MEIOB: variants seen among roughly 807,000 people sequenced by gnomAD.
MEIOB encodes meiosis-specific with OB domain-containing protein.
A neutral mutation model predicts 53.1 loss-of-function variants in MEIOB; 50 were observed. That is an observed-to-expected ratio of 0.94 (90% CI 0.75 to 1.19). MEIOB has a LOEUF of 1.19. Ranked by LOEUF, MEIOB falls within the 50% of genes most tolerant of loss-of-function variation. MEIOB has a pLI of 0.00. For synonymous variants in MEIOB, 192 were observed against 182.5 expected (o/e 1.05, Z -0.42); for missense variants, 551 against 550.8 (o/e 1.00, Z 0.00).
intron 5 of MEIOB, 135 bp from the exon 6 acceptor site, chr16:1,858,065 T>C (rs935142886): frequency 8.3e-6 from 5 of 604,900 alleles, no homozygotes; most frequent in Middle Eastern, 9.1e-4. Context: ...CTTAGAAACA[T>C]TGAATAATAC....
chr16:1,869,524 T>C (rs2150826785), intron 1 of MEIOB, among the ~76,000 whole-genome samples: 1 of 151,506 alleles, frequency 6.6e-6, no homozygotes. Flanking sequence ...CTCAGCTCAC[T>C]GCAAGCTCCA....
chr16:1,853,402 C>A, intron 7 of MEIOB, 131 bp from the exon 8 acceptor site: 2 of 682,706 alleles, frequency 2.9e-6, no homozygotes, highest in Admixed American at 2.7e-5. Context: ...TCAAAGACCT[C>A]CTAGTCTTAA....
intron 9 of MEIOB, among the ~76,000 whole-genome samples, chr16:1,851,040 G>A (rs773796002): frequency 2.0e-5 from 3 of 152,138 alleles, no homozygotes; most frequent in South Asian, 2.1e-4. Context: ...ATAGACTATC[G>A]TGTGTCACCA....
chr16:1,864,731 G>A (rs888301473), intron 3 of MEIOB, among the ~76,000 whole-genome samples: 7 of 151,904 alleles, frequency 4.6e-5, no homozygotes, highest in South Asian at 2.1e-4. Flanking sequence ...CAGGTGATCC[G>A]CCCACCTCAG....
intron 10 of MEIOB, among the ~76,000 whole-genome samples, chr16:1,843,142 G>C (rs1478114810): frequency 6.6e-6 from 1 of 150,390 alleles, no homozygotes; most frequent in East Asian, 2.0e-4. Context: ...AAAATACAAA[G>C]AATTAGCCGG....
At chr16:1,864,659 T>A (rs8048303) in intron 3 of MEIOB, among the ~76,000 whole-genome samples, 1 of 151,258 alleles carries the variant, frequency 6.6e-6, no homozygotes, top group African/African-American at 2.4e-5. Flanking sequence ...TGACTAATTT[T>A]GTATTTTTAG....
chr16:1,864,632 G>A (rs1241782796), intron 3 of MEIOB, among the ~76,000 whole-genome samples: 1 of 151,760 alleles, frequency 6.6e-6, no homozygotes, highest in African/African-American at 2.4e-5. Flanking sequence ...GGGAATACAA[G>A]CGCCTGCCAC....
At chr16:1,841,523 G>T (rs1351393206) in intron 11 of MEIOB, among the ~76,000 whole-genome samples, 1 of 152,070 alleles carries the variant, frequency 6.6e-6, no homozygotes, top group Non-Finnish European at 1.5e-5. Context: ...TTGCTATAGG[G>T]CCTAGCAACC....
intron 5 of MEIOB, among the ~76,000 whole-genome samples, chr16:1,859,065 C>T (rs545190833): frequency 2.1e-4 from 32 of 152,274 alleles, no homozygotes; most frequent in East Asian, 5.8e-4. Context: ...CAATCTCAGA[C>T]GGTGACTTGG....
intron 8 of MEIOB, 30 bp from the exon 9 acceptor site, chr16:1,853,164 T>C: frequency 6.3e-7 from 1 of 1,581,030 alleles, no homozygotes; most frequent in Non-Finnish European, 8.6e-7. Context: ...TTTAAAATTA[T>C]TACATGGGAG....
chr16:1,839,189 T>A, intron 12 of MEIOB, 66 bp downstream of exon 12: 1 of 1,459,866 alleles, frequency 6.8e-7, no homozygotes, highest in Non-Finnish European at 9.1e-7. Flanking sequence ...AAACAACCTA[T>A]ATTTTTTTGG....
At chr16:1,858,268 TTC>T (rs1433544317) in intron 5 of MEIOB, among the ~76,000 whole-genome samples, 1 of 152,144 alleles carries the variant, frequency 6.6e-6, no homozygotes, top group Non-Finnish European at 1.5e-5. Flanking sequence ...GACTGGTTGT[TTC>T]TCTCTCTTAT....
intron 10 of MEIOB, chr16:1,843,696 T>G (rs1271704029): frequency 7.9e-6 from 1 of 126,214 alleles, no homozygotes; most frequent in South Asian, 2.8e-4. Flanking sequence ...AGACTCCATC[T>G]CAAAAAAAAA....
At chr16:1,861,770 C>T (rs574709800) in intron 4 of MEIOB, among the ~76,000 whole-genome samples, 13 of 152,074 alleles carry the variant, frequency 8.5e-5, no homozygotes, top group Middle Eastern at 3.4e-3. Context: ...CCTGAACTCA[C>T]GCAATCCACC....
At position 1,855,521 on chromosome 16, in the gene MEIOB, A is replaced by C. The variant is rs575542850; in HGVS notation, c.529-1321T>G. On this transcript the variant is annotated intron_variant, in intron 6 of 13. Coordinates refer to ENST00000325962, the MANE Select transcript of MEIOB (RefSeq NM_001163560.3). ...GAGATGAAAGGCATGAGAAGAAGTG[A>C]CGTGACACATGAAAGGTTCCAGACT... Among the ~76,000 whole-genome samples, 15 of 152,246 alleles carry C rather than the reference A, an allele frequency of 9.9e-5. No individual in the cohort carries two copies. In the South Asian group the frequency reaches 1.7e-3, roughly 17 times the overall value.
chr16:1,867,600 G>C (rs534756821), intron 2 of MEIOB, among the ~76,000 whole-genome samples: 1 of 150,582 alleles, frequency 6.6e-6, no homozygotes, highest in Non-Finnish European at 1.5e-5. Flanking sequence ...AGCCTCCTGA[G>C]TACCTGGGAT....
At chr16:1,869,611 C>T (rs1899683259) in intron 1 of MEIOB, among the ~76,000 whole-genome samples, 1 of 151,940 alleles carries the variant, frequency 6.6e-6, no homozygotes, top group South Asian at 2.1e-4. Context: ...CCACGCCTGG[C>T]TAATTTTGTT....
At chr16:1,869,876 A>ATTTTTTTTT (rs10681287) in intron 1 of MEIOB, among the ~76,000 whole-genome samples, 3 of 140,428 alleles carry the variant, frequency 2.1e-5, no homozygotes, top group Non-Finnish European at 3.0e-5. Flanking sequence ...AAAGGTAGTG[A>ATTTTTTTTT]TTTTTTTTTT....
At chr16:1,868,492 C>T (rs1899650653) in intron 1 of MEIOB, among the ~76,000 whole-genome samples, 1 of 152,024 alleles carries the variant, frequency 6.6e-6, no homozygotes, top group South Asian at 2.1e-4. Context: ...CGCACTACTG[C>T]ACTCCAGCCT....
Sources: allele counts gnomAD v4.1 joint callset (sites outside exome capture counted in the v4.1 genomes callset), GRCh38; gene constraint gnomAD v4.1.1; transcripts MANE v1.5; gene names NCBI Gene and HGNC (gene_info 2026-07-23, HGNC 2026-07-21).